AKAP13: variants seen among roughly 807,000 people sequenced by gnomAD.
AKAP13 encodes the protein A-kinase anchoring protein 13.
AKAP13 carries 80 observed loss-of-function variants against 264.5 expected under a neutral mutation model. The observed-to-expected ratio is 0.30, with a 90% CI of 0.25 to 0.36. The LOEUF is 0.36. Among genes scored for constraint, AKAP13 ranks in the 10% least tolerant of loss-of-function variants. The probability of loss-of-function intolerance (pLI) is 1.00; values close to 1 mark genes in which losing one functional copy is unlikely to be tolerated. For synonymous variants in AKAP13, 1,380 were observed against 1,250.2 expected, an observed-to-expected ratio of 1.10 and a Z score of -2.19; for missense variants, 3,712 against 3,435.2, an observed-to-expected ratio of 1.08 and a Z score of -2.01.
rs1164351281 is a variant in AKAP13 at position 85,443,771 on chromosome 15, A to AG, written c.-11-41939_-11-41938insG. Among the ~76,000 whole-genome samples, 569 of 105,462 alleles carry AG rather than the reference A, an allele frequency of 5.4e-3. 5 individuals are homozygous for AG. The highest frequency in any genetic ancestry group is 8.7e-3 in the Non-Finnish European group (390 of 44,980). 69.2% of individuals were successfully genotyped at this position (105,462 alleles called of 152,430 possible). A position where few individuals can be genotyped will look rare whatever the true frequency, so the allele number is the denominator to read the frequency against. The stretch of plus-strand genomic sequence containing the variant: ...GCACTGGTTTCATGTAAAAAAAAAA[A>AG]AGTGTGTGTGTGTGTGTGTGTGTGT... On this transcript the variant is annotated intron_variant, in intron 1 of 36. Coordinates refer to ENST00000394518, the MANE Select transcript of AKAP13 (RefSeq NM_007200.5).
intron 1 of AKAP13, among the ~76,000 whole-genome samples, chr15:85,442,858 A>G (rs1204535389): frequency 6.6e-6 from 1 of 151,868 alleles, no homozygotes; most frequent in Non-Finnish European, 1.5e-5. Context: ...AAGGATGGGA[A>G]CTCACATTTG....
At chr15:85,516,510 A>T (rs2076605143) in intron 2 of AKAP13, among the ~76,000 whole-genome samples, 1 of 152,204 alleles carries the variant, frequency 6.6e-6, no homozygotes, top group Non-Finnish European at 1.5e-5. Context: ...CTATGATGAC[A>T]CTGTTACCTA....
chr15:85,621,825 G>A lies in AKAP13; in HGVS notation c.4162-17549G>A, dbSNP rs1312428448. Reference sequence around the variant, plus strand: ...TATGAAGAATTTGAGTGACAAGAATGTGGTTTTTTGTTTTTTTGTTTTCCC... The same window carrying A: ...TATGAAGAATTTGAGTGACAAGAATATGGTTTTTTGTTTTTTTGTTTTCCC... On this transcript the variant is annotated intron_variant, in intron 8 of 36. Transcript: ENST00000394518. Among the ~76,000 whole-genome samples, 7 of 152,150 alleles carry A rather than the reference G, an allele frequency of 4.6e-5. No individual in the cohort carries two copies. In the East Asian group the frequency reaches 1.3e-3, roughly 29 times the overall value.
At chr15:85,578,016 G>T (rs574134678) in intron 6 of AKAP13, 1 of 181,880 alleles carries the variant, frequency 5.5e-6, no homozygotes, top group African/African-American at 2.4e-5. Flanking sequence ...ACACAGTGGT[G>T]TAGGCCCTAT....
chr15:85,657,282 A>G (rs1257137420), intron 11 of AKAP13, among the ~76,000 whole-genome samples: 4 of 152,212 alleles, frequency 2.6e-5, no homozygotes, highest in Non-Finnish European at 1.5e-5. Context: ...TATTCAGCCA[A>G]CATATATTGA....
chr15:85,678,886 A>G (rs1160098162), intron 14 of AKAP13, among the ~76,000 whole-genome samples: 1 of 151,756 alleles, frequency 6.6e-6, no homozygotes, highest in Admixed American at 6.6e-5. Context: ...ACAAAATTAA[A>G]AAAAAAAAAT....
intron 1 of AKAP13, among the ~76,000 whole-genome samples, chr15:85,438,368 A>G (rs1371239669): frequency 2.0e-5 from 3 of 151,268 alleles, no homozygotes; most frequent in Admixed American, 6.6e-5. Context: ...GGAAGAATCA[A>G]TATCGTGAAA....
intron 10 of AKAP13, among the ~76,000 whole-genome samples, chr15:85,648,243 T>G (rs1267882071): frequency 1.3e-5 from 2 of 152,214 alleles, no homozygotes; most frequent in Non-Finnish European, 2.9e-5. Context: ...ATACAGAGAT[T>G]TGTTAAACAT....
chr15:85,519,184 T>G (rs550746176), intron 2 of AKAP13, among the ~76,000 whole-genome samples: 13 of 152,312 alleles, frequency 8.5e-5, no homozygotes, highest in Admixed American at 2.0e-4. Context: ...TATGGCCCAT[T>G]GTAGTGCAAA....
chr15:85,635,959 G>A (rs924279650), intron 8 of AKAP13, among the ~76,000 whole-genome samples: 2 of 152,094 alleles, frequency 1.3e-5, no homozygotes, highest in South Asian at 4.1e-4. Flanking sequence ...ACCCCGGTTT[G>A]GTTAGTGCAG....
chr15:85,663,342 T>C (rs1596966744), intron 12 of AKAP13, among the ~76,000 whole-genome samples: 1 of 149,306 alleles, frequency 6.7e-6, no homozygotes, highest in South Asian at 2.1e-4. Flanking sequence ...AGAAAGAAAA[T>C]GAGGTTTACA....
chr15:85,381,207 G>A (rs1277594746), intron 1 of AKAP13, among the ~76,000 whole-genome samples: 5 of 152,120 alleles, frequency 3.3e-5, no homozygotes, highest in Non-Finnish European at 7.4e-5. Flanking sequence ...TCCTCCCCTG[G>A]GGCGGGCGGC....
chr15:85,747,465 A>G lies in AKAP13; in HGVS notation c.*2788A>G, dbSNP rs2089403692. ...GACACCATGTTCTCCATCAAGCTAA[A>G]GAAATCACGTGCCTGAAACTGTGCT... On this transcript the variant is annotated 3_prime_UTR_variant, in exon 37 of 37. Coordinates refer to ENST00000394518, the MANE Select transcript of AKAP13 (RefSeq NM_007200.5). 1 of 152,630 alleles carries G rather than the reference A, an allele frequency of 6.6e-6. No homozygotes were observed. Among genetic ancestry groups the G allele is most frequent in the South Asian group, 2.1e-4 (1 of 4,824 alleles). The allele number at this position is 152,630 out of a possible 1,614,324, so 9.5% of individuals were successfully genotyped here.
intron 8 of AKAP13, among the ~76,000 whole-genome samples, chr15:85,622,144 A>G (rs951315222): frequency 6.6e-6 from 1 of 152,218 alleles, no homozygotes; most frequent in Admixed American, 6.5e-5. Flanking sequence ...TTATCCCATT[A>G]TTGCTTAAAG....
At chr15:85,680,557 T>C (rs1327780692) in intron 14 of AKAP13, among the ~76,000 whole-genome samples, 1 of 152,168 alleles carries the variant, frequency 6.6e-6, no homozygotes, top group African/African-American at 2.4e-5. Context: ...TTATGTATTA[T>C]TCCTACCTGT....
chr15:85,405,321 T>G (rs909548288), intron 1 of AKAP13, among the ~76,000 whole-genome samples: 5 of 152,236 alleles, frequency 3.3e-5, no homozygotes, highest in African/African-American at 1.2e-4. Flanking sequence ...GATTCTAGTT[T>G]AGTTTGGCTT....
intron 8 of AKAP13, among the ~76,000 whole-genome samples, chr15:85,638,941 T>C (rs2082185859): frequency 6.6e-6 from 1 of 152,128 alleles, no homozygotes. Flanking sequence ...TGTATTTTAG[T>C]AGAGATGGGG....
intron 10 of AKAP13, among the ~76,000 whole-genome samples, chr15:85,648,109 AG>A (rs2082640921): frequency 6.6e-6 from 1 of 152,204 alleles, no homozygotes; most frequent in African/African-American, 2.4e-5. Flanking sequence ...GTTCCCCGCA[AG>A]GGGAATACCA....
chr15:85,564,302 A>G (rs2078527288), intron 5 of AKAP13, among the ~76,000 whole-genome samples: 1 of 152,162 alleles, frequency 6.6e-6, no homozygotes, highest in Non-Finnish European at 1.5e-5. Context: ...CCTTCATCCA[A>G]ATTCTCCGAT....
Sources: allele counts gnomAD v4.1 joint callset (sites outside exome capture counted in the v4.1 genomes callset), GRCh38; gene constraint gnomAD v4.1.1; transcripts MANE v1.5; gene names NCBI Gene and HGNC (gene_info 2026-07-23, HGNC 2026-07-21).